POLR1C: variants seen among roughly 807,000 people sequenced by gnomAD.
The protein encoded by POLR1C is RNA polymerase I and III subunit C, also known as DNA-directed RNA polymerases I and III subunit RPAC1.
A neutral mutation model predicts 38.3 loss-of-function variants in POLR1C; 42 were observed. That is an observed-to-expected ratio of 1.10 (90% confidence interval 0.86 to 1.42). The LOEUF (loss-of-function observed/expected upper bound fraction) is 1.42. Ranked by LOEUF, POLR1C falls within the 40% of genes most tolerant of loss-of-function variation. The probability of loss-of-function intolerance (pLI) is 0.00; values close to 1 mark genes in which losing one functional copy is unlikely to be tolerated. For missense variants in POLR1C, 507 were observed against 450.5 expected (o/e 1.13, Z -1.14); for synonymous variants, 163 against 163.9 (o/e 0.99, Z 0.04).
downstream of POLR1C, chr6:43,533,912 A>G (rs1367892859): frequency 1.3e-6 from 2 of 1,599,992 alleles, no homozygotes; most frequent in East Asian, 2.3e-5. Flanking sequence ...CTTACCTAAT[A>G]TAGCAGATTT....
rs1288599388 is a variant in POLR1C, at chr6:43,545,938, C to T, written c.*5-5030C>T. ...CTGAATGTTTAATGTGTATATAAACCACTGGGCATCTAGTTAAAATGCAGA... is the reference window on the plus strand; with the variant it reads ...CTGAATGTTTAATGTGTATATAAACTACTGGGCATCTAGTTAAAATGCAGA... On this transcript the variant is annotated intron_variant, in intron 9 of 10. Transcript: ENST00000607635. Among the ~76,000 whole-genome samples, 3 of 151,796 alleles carry T rather than the reference C, an allele frequency of 2.0e-5. No homozygotes were observed. The East Asian group carries it at 5.8e-4, about 29-fold the overall frequency.
chr6:43,551,209 A>G, intron 10 of POLR1C: 1 of 1,347,538 alleles, frequency 7.4e-7, no homozygotes. Flanking sequence ...TGGGCAATGT[A>G]GCAAGATCCT....
chr6:43,527,467 T>G, intron 8 of POLR1C: 1 of 623,198 alleles, frequency 1.6e-6, no homozygotes, highest in Non-Finnish European at 2.8e-6. Context: ...AGAGACAGGG[T>G]TTCACCATGT....
At chr6:43,525,998 A>G, downstream of POLR1C, 1 of 1,528,858 alleles carries the variant, frequency 6.5e-7, no homozygotes, top group Non-Finnish European at 8.9e-7. Flanking sequence ...AGAAGCGCAA[A>G]AAACAAAGCA....
Position 43,551,434 on chromosome 6 carries a change from C to G in POLR1C, c.*48+423C>G, listed in dbSNP as rs766284526. Reference sequence around the variant, plus strand: ...CAGAACCATCTGCAATAGCTCTATTCCATCATTAACAGGAATTTCCTGTAA... The same window carrying G: ...CAGAACCATCTGCAATAGCTCTATTGCATCATTAACAGGAATTTCCTGTAA... On this transcript the variant is annotated intron_variant, in intron 10 of 10. Transcript: ENST00000607635. 3 of 1,613,278 alleles carry G rather than the reference C, an allele frequency of 1.9e-6. No individual in the cohort carries two copies. In the South Asian group the frequency reaches 3.3e-5, roughly 18 times the overall value.
intron 8 of POLR1C, chr6:43,528,231 G>T (rs1425929886): frequency 4.4e-6 from 7 of 1,574,116 alleles, no homozygotes; most frequent in Non-Finnish European, 5.2e-6. Context: ...GGAAATAAAT[G>T]CTAGAATTGG....
chr6:43,536,241 C>T (rs1794314591), intron 9 of POLR1C, among the ~76,000 whole-genome samples: 1 of 151,926 alleles, frequency 6.6e-6, no homozygotes, highest in Non-Finnish European at 1.5e-5. Flanking sequence ...ATGGTGAAAC[C>T]CTGTCTCTAC....
chr6:43,551,412 A>G, intron 10 of POLR1C: 2 of 1,613,992 alleles, frequency 1.2e-6, no homozygotes, highest in Non-Finnish European at 1.7e-6. Context: ...CAAAGTTCAG[A>G]ACCATCTGCA....
At chr6:43,548,171 T>A (rs1183075624) in intron 9 of POLR1C, 5 of 1,296,420 alleles carry the variant, frequency 3.9e-6, no homozygotes, top group Middle Eastern at 2.9e-4. Flanking sequence ...CACTTCAATA[T>A]CCTTAACCCC....
Position 43,559,887 on chromosome 6 carries a change from C to G in POLR1C, c.*49-1513C>G, listed in dbSNP as rs942258843. 8.5e-5 allele frequency among the ~76,000 whole-genome samples: 13 copies of G among 152,168 alleles called. 1 individual carries two copies. Among genetic ancestry groups the G allele is most frequent in the African/African-American group, 3.1e-4 (13 of 41,436 alleles). ...CTGGAGTGCAGTGCTGCGATCTCAGCTCAATGCAGCTTCAACTTCCCAAGC... is the reference window on the plus strand; with the variant it reads ...CTGGAGTGCAGTGCTGCGATCTCAGGTCAATGCAGCTTCAACTTCCCAAGC... On this transcript the variant is annotated intron_variant, in intron 10 of 10. Transcript: ENST00000607635.
At position 43,559,791 on chromosome 6, in the gene POLR1C, G is replaced by C. The variant is rs150288873; in HGVS notation, c.*49-1609G>C. The stretch of plus-strand genomic sequence containing the variant: ...GTAAAGGAATCTTAGTGATGAAGAA[G>C]GGCTGTTAATAATGCCAATCAGTCT... On this transcript the variant is annotated intron_variant, in intron 10 of 10. Coordinates refer to the POLR1C transcript ENST00000607635. 5.9e-3 allele frequency among the ~76,000 whole-genome samples: 905 copies of C among 152,222 alleles called. 11 individuals carry two copies. Among genetic ancestry groups the C allele is most frequent in the African/African-American group, 0.02 (836 of 41,536 alleles).
chr6:43,559,407 A>C (rs923640765), intron 10 of POLR1C, among the ~76,000 whole-genome samples: 1 of 152,236 alleles, frequency 6.6e-6, no homozygotes, highest in African/African-American at 2.4e-5. Flanking sequence ...TGAGATTAAC[A>C]ATCTGTCAAC....
chr6:43,528,719 T>C (rs1290543227), intron 8 of POLR1C: 1 of 1,050,790 alleles, frequency 9.5e-7, no homozygotes, highest in Non-Finnish European at 1.4e-6. Flanking sequence ...CCAGCCAGTC[T>C]GGCAGGGCTA....
intron 9 of POLR1C, among the ~76,000 whole-genome samples, chr6:43,537,465 C>G (rs1166200493): frequency 6.6e-6 from 1 of 152,088 alleles, no homozygotes; most frequent in African/African-American, 2.4e-5. Context: ...TTAAGCTTGG[C>G]CGGCAATATG....
chr6:43,553,536 C>T lies in POLR1C; in HGVS notation c.*48+2525C>T, dbSNP rs752621229. 12 of 1,534,628 alleles carry T rather than the reference C, an allele frequency of 7.8e-6. No individual in the cohort carries two copies. The Middle Eastern group carries it at 5.0e-4, about 64-fold the overall frequency. On this transcript the variant is annotated intron_variant, in intron 10 of 10. Coordinates refer to the POLR1C transcript ENST00000607635. ...ACACACACACACACATACACACACACACACACACACACAATTATCAGCATT... is the reference window on the plus strand; with the variant it reads ...ACACACACACACACATACACACACATACACACACACACAATTATCAGCATT...
At chr6:43,554,162 A>G (rs1266220401) in intron 10 of POLR1C, among the ~76,000 whole-genome samples, 5 of 152,224 alleles carry the variant, frequency 3.3e-5, no homozygotes, top group South Asian at 2.1e-4. Flanking sequence ...GCTGGAGGGC[A>G]GTGGCGAGAT....
At chr6:43,548,138 A>G in intron 9 of POLR1C, 1 of 998,342 alleles carries the variant, frequency 1.0e-6, no homozygotes, top group East Asian at 2.5e-5. Flanking sequence ...AGAGAACTTC[A>G]GATATCATGG....
Position 43,519,712 on chromosome 6 carries a change from A to G in POLR1C, c.256A>G (p.Thr86Ala). The change falls in exon 4 of 9, where the codon ACT (threonine) becomes GCT (alanine). Residue 86 changes from threonine (T) to alanine (A), a missense_variant. Physicochemically the swap from Thr to Ala is moderately conservative, Grantham distance 58. Transcript: ENST00000642195. Reference sequence around the variant, plus strand: ...GTTATTTTTCCTTGGGCAGGTGCCAACTATGGCTGTGGAGAAGGTCCTGGT... The same window carrying G: ...GTTATTTTTCCTTGGGCAGGTGCCAGCTATGGCTGTGGAGAAGGTCCTGGT... ...FRRILLAEVPTMAVEKVLVYN... is the reference protein window; with the variant it reads ...FRRILLAEVPAMAVEKVLVYN... The G allele has an allele frequency of 6.2e-7, 1 of 1,614,210 alleles. No homozygotes were observed. Among genetic ancestry groups the G allele is most frequent in the East Asian group, 2.2e-5 (1 of 44,882 alleles).
downstream of POLR1C, chr6:43,523,192 T>A (rs569015307): frequency 1.2e-4 from 20 of 170,846 alleles, no homozygotes; most frequent in South Asian, 2.6e-3. Context: ...CTAAAGGGGA[T>A]GTTAGCACTA....
Sources: gnomAD v4.1 joint callset for allele counts (sites outside exome capture counted in the v4.1 genomes callset) on GRCh38, gnomAD v4.1.1 for gene constraint, MANE v1.5 for transcripts, NCBI Gene and HGNC (gene_info 2026-07-23, HGNC 2026-07-21) for gene names.